Variants in TBC1D5 observed in about 807,000 individuals in gnomAD.
The protein encoded by TBC1D5 is TBC1 domain family member 5.
Under a neutral mutation model 100.3 loss-of-function variants are expected in TBC1D5, and 75 were observed. That is an observed-to-expected ratio of 0.75 (90% confidence interval 0.62 to 0.91). TBC1D5 has a LOEUF of 0.91. Ranked by LOEUF, TBC1D5 falls within the 40% of genes least tolerant of loss-of-function variation. The pLI, the probability that TBC1D5 is intolerant of heterozygous loss-of-function variation, is 0.00. For missense variants in TBC1D5, 910 were observed against 942.4 expected, an observed-to-expected ratio of 0.97 and a Z score of 0.45; for synonymous variants, 323 against 325.6, an observed-to-expected ratio of 0.99 and a Z score of 0.09.
At chr3:17,693,340 G>A (rs762167843) in intron 1 of TBC1D5, among the ~76,000 whole-genome samples, 1 of 152,208 alleles carries the variant, frequency 6.6e-6, no homozygotes, top group African/African-American at 2.4e-5. Flanking sequence ...AAGGGAAGCC[G>A]TGACAGACTG....
chr3:17,246,829 G>T (rs942265331), intron 16 of TBC1D5, among the ~76,000 whole-genome samples: 9 of 152,142 alleles, frequency 5.9e-5, no homozygotes, highest in African/African-American at 1.9e-4. Context: ...ACAGTAAAGG[G>T]TTAACTCAGC....
intron 1 of TBC1D5, among the ~76,000 whole-genome samples, chr3:17,663,487 G>A (rs1280479461): frequency 6.6e-6 from 1 of 152,066 alleles, no homozygotes; most frequent in Non-Finnish European, 1.5e-5. Context: ...ATGGTCAATA[G>A]CATTAAAAAC....
chr3:17,380,529 T>A (rs1423261365), intron 9 of TBC1D5, among the ~76,000 whole-genome samples: 1 of 152,052 alleles, frequency 6.6e-6, no homozygotes, highest in Non-Finnish European at 1.5e-5. Flanking sequence ...TAGAAAATAA[T>A]GTATTGATAG....
chr3:17,314,309 G>C (rs283949), intron 13 of TBC1D5, among the ~76,000 whole-genome samples: 61,910 of 151,914 alleles, frequency 0.41, 13,275 homozygotes, highest in Middle Eastern at 0.5. Context: ...AGATGATCTT[G>C]ATCTTGGGCC....
intron 17 of TBC1D5, among the ~76,000 whole-genome samples, chr3:17,214,879 G>C (rs1296511896): frequency 6.6e-6 from 1 of 152,088 alleles, no homozygotes; most frequent in African/African-American, 2.4e-5. Flanking sequence ...GCAAAAACCT[G>C]AAGAAGGTGA....
At chr3:17,252,309 T>C (rs2077245570) in intron 16 of TBC1D5, among the ~76,000 whole-genome samples, 1 of 152,194 alleles carries the variant, frequency 6.6e-6, no homozygotes, top group Non-Finnish European at 1.5e-5. Context: ...CCAAGATTAG[T>C]TCTTTGATCT....
At chr3:17,225,047 T>C (rs758834698) in intron 17 of TBC1D5, among the ~76,000 whole-genome samples, 1 of 152,218 alleles carries the variant, frequency 6.6e-6, no homozygotes, top group East Asian at 1.9e-4. Context: ...ATGGAGTCAC[T>C]AGAACATGTT....
chr3:17,384,074 A>C, intron 8 of TBC1D5, 59 bp from the exon 9 acceptor site: 1 of 1,446,540 alleles, frequency 6.9e-7, no homozygotes, highest in Admixed American at 1.8e-5. Flanking sequence ...ATCACTCTCA[A>C]ATTCTCATCT....
intron 3 of TBC1D5, among the ~76,000 whole-genome samples, chr3:17,468,908 C>T (rs1034932987): frequency 6.6e-6 from 1 of 152,184 alleles, no homozygotes; most frequent in Non-Finnish European, 1.5e-5. Flanking sequence ...AGACCCTCCA[C>T]AGAAATCAAG....
intron 4 of TBC1D5, among the ~76,000 whole-genome samples, chr3:17,414,878 A>T (rs113792395): frequency 2.6e-5 from 4 of 152,280 alleles, no homozygotes; most frequent in East Asian, 3.9e-4. Flanking sequence ...AATATATATA[A>T]AAAAACAGAA....
At chr3:17,240,159 C>G (rs1414215138) in intron 16 of TBC1D5, among the ~76,000 whole-genome samples, 1 of 152,130 alleles carries the variant, frequency 6.6e-6, no homozygotes, top group Non-Finnish European at 1.5e-5. Flanking sequence ...GGAAAGAACA[C>G]TAGACTTCTA....
chr3:17,176,743 T>C (rs2067785361), intron 19 of TBC1D5, among the ~76,000 whole-genome samples: 1 of 151,026 alleles, frequency 6.6e-6, no homozygotes, highest in African/African-American at 2.4e-5. Context: ...GGCATGTGTA[T>C]ACCTATGTAA....
At position 17,185,114 on chromosome 3, in the gene TBC1D5, T is replaced by TG; in HGVS notation, c.1846dup (p.His616ProfsTer41). 6.2e-7 allele frequency: 1 copy of TG among 1,611,294 alleles called. No individual in the cohort carries two copies. Among genetic ancestry groups the TG allele is most frequent in the Non-Finnish European group, 8.5e-7 (1 of 1,178,172 alleles). On this transcript the variant is annotated frameshift_variant, in exon 19 of 22. Transcript: ENST00000253692. LOFTEE classifies it high-confidence loss of function. ...GGCCAAAGTAATTCACTTACCAAGA[T>TG]GAGTGTCCATCACCTTTGCACAGTA...
chr3:17,236,226 TTC>T (rs1457809282), intron 17 of TBC1D5, among the ~76,000 whole-genome samples: 1 of 152,192 alleles, frequency 6.6e-6, no homozygotes, highest in Non-Finnish European at 1.5e-5. Flanking sequence ...CATTAAGAGA[TTC>T]TCTGACTCAT....
chr3:17,660,720 G>A (rs919862118), intron 1 of TBC1D5, among the ~76,000 whole-genome samples: 1 of 152,114 alleles, frequency 6.6e-6, no homozygotes, highest in Non-Finnish European at 1.5e-5. Flanking sequence ...TATAGTGCTT[G>A]GAGATAAAGC....
intron 13 of TBC1D5, among the ~76,000 whole-genome samples, chr3:17,322,622 T>G (rs943050933): frequency 6.6e-6 from 1 of 152,224 alleles, no homozygotes; most frequent in Non-Finnish European, 1.5e-5. Flanking sequence ...AGACGCAGAC[T>G]CAAGGCCGAG....
chr3:17,360,940 C>A (rs901685781), intron 13 of TBC1D5, among the ~76,000 whole-genome samples: 4 of 151,914 alleles, frequency 2.6e-5, no homozygotes, highest in Admixed American at 2.0e-4. Flanking sequence ...AAGAAGCCAT[C>A]TAATTGAAAG....
intron 18 of TBC1D5, among the ~76,000 whole-genome samples, chr3:17,211,850 T>C (rs1405755523): frequency 6.6e-6 from 1 of 152,238 alleles, no homozygotes. Context: ...AGGTTTAAAC[T>C]AAAGTTCCTC....
At chr3:17,342,283 A>G (rs2089101096) in intron 13 of TBC1D5, among the ~76,000 whole-genome samples, 1 of 152,306 alleles carries the variant, frequency 6.6e-6, no homozygotes, top group South Asian at 2.1e-4. Context: ...ACATTTGGAG[A>G]ACTTTTTCAA....
Sources: gnomAD v4.1 joint callset for allele counts (sites outside exome capture counted in the v4.1 genomes callset) on GRCh38, gnomAD v4.1.1 for gene constraint, MANE v1.5 for transcripts, NCBI Gene and HGNC (gene_info 2026-07-23, HGNC 2026-07-21) for gene names.